SLMAP: variants seen among roughly 807,000 people sequenced by gnomAD.
SLMAP encodes the protein sarcolemmal membrane-associated protein.
In SLMAP, 44 loss-of-function variants were observed where a neutral mutation model predicts 128.8. The ratio of observed to expected loss-of-function variants is 0.34; its 90% CI spans 0.27 to 0.44. SLMAP has a LOEUF of 0.44. SLMAP is among the 20% of genes least tolerant of loss of function. The pLI, the probability that SLMAP is intolerant of heterozygous loss-of-function variation, is 1.00. For synonymous variants in SLMAP, 327 were observed against 348.8 expected, an observed-to-expected ratio of 0.94 and a Z score of 0.70; for missense variants, 787 against 985.3, an observed-to-expected ratio of 0.80 and a Z score of 2.69.
At chr3:57,863,962 G>A (rs899624483) in intron 10 of SLMAP, among the ~76,000 whole-genome samples, 1 of 152,028 alleles carries the variant, frequency 6.6e-6, no homozygotes, top group Non-Finnish European at 1.5e-5. Context: ...TTAAAAATAC[G>A]ATTTTTTTTT....
At chr3:57,890,826 A>G (rs186454431) in intron 15 of SLMAP, 2 of 152,362 alleles carry the variant, frequency 1.3e-5, no homozygotes, top group East Asian at 3.9e-4. Context: ...CTTTTGGCCA[A>G]TTAAAACATT....
intron 3 of SLMAP, among the ~76,000 whole-genome samples, chr3:57,838,886 G>A (rs974406590): frequency 6.6e-6 from 1 of 152,184 alleles, no homozygotes; most frequent in Non-Finnish European, 1.5e-5. Flanking sequence ...AAGGAGCCCA[G>A]TGGTTCATGG....
intron 2 of SLMAP, among the ~76,000 whole-genome samples, chr3:57,818,889 T>G (rs1309022501): frequency 1.3e-5 from 2 of 152,228 alleles, no homozygotes; most frequent in South Asian, 4.1e-4. Flanking sequence ...CAGTTCAAAA[T>G]TTTAAAAGAA....
At chr3:57,869,205 C>G (rs2095408237) in intron 13 of SLMAP, among the ~76,000 whole-genome samples, 1 of 150,670 alleles carries the variant, frequency 6.6e-6, no homozygotes, top group Non-Finnish European at 1.5e-5. Context: ...AAGCATCCAG[C>G]ACAGGAGAAA....
chr3:57,858,419 C>T (rs889312351), intron 8 of SLMAP, among the ~76,000 whole-genome samples: 2 of 152,202 alleles, frequency 1.3e-5, no homozygotes, highest in South Asian at 2.1e-4. Flanking sequence ...GAATTTCCCT[C>T]AGTCTGCATT....
intron 2 of SLMAP, among the ~76,000 whole-genome samples, chr3:57,828,215 TC>T (rs1198618892): frequency 6.6e-6 from 1 of 152,186 alleles, no homozygotes; most frequent in Non-Finnish European, 1.5e-5. Context: ...CGCTTTGGCC[TC>T]CCAGAGTGCT....
intron 2 of SLMAP, among the ~76,000 whole-genome samples, chr3:57,779,510 A>G (rs2082579610): frequency 9.6e-6 from 1 of 104,608 alleles, no homozygotes; most frequent in South Asian, 2.7e-4. Context: ...CCCTGTTTCA[A>G]AAAAAAAAAA....
rs752720798 is a variant in SLMAP at position 57,865,256 on chromosome 3, G to A, written c.1201G>A (p.Asp401Asn). ...CTTAATCCTAGGGATACAAGTTGAT[G>A]ACTTCTTACCTAAAATAAATGGGAG... is the stretch of plus-strand genomic sequence containing the variant. ...ECSSLGIQVDDFLPKINGSTE... is the reference protein window; with the variant it reads ...ECSSLGIQVDNFLPKINGSTE... Residue 401 changes from aspartate (D) to asparagine (N), a missense_variant, in exon 13 of 25, where the codon GAC (aspartate) becomes AAC (asparagine). Around this residue, in one of 2 missense-constraint regions of SLMAP, gnomAD observed 715 missense variants for 843.6 expected, o/e 0.85. Coordinates refer to ENST00000671191, the MANE Select transcript of SLMAP (RefSeq NM_001377540.1). 4.2e-5 allele frequency: 62 copies of A among 1,490,610 alleles called. No homozygotes were observed. Among genetic ancestry groups the A allele is most frequent in the Non-Finnish European group, 1.8e-6 (2 of 1,098,976 alleles). 92.3% of individuals were successfully genotyped at this position (1,490,610 alleles called of 1,614,324 possible).
Position 57,887,204 on chromosome 3 carries a change from A to G in SLMAP, c.1301-2837A>G, listed in dbSNP as rs2095913820. Among the ~76,000 whole-genome samples, 3 of 152,130 alleles carry G rather than the reference A, an allele frequency of 2.0e-5. No individual in the cohort carries two copies. The South Asian group carries it at 6.2e-4, about 32-fold the overall frequency. ...ATATCATATAGTCATAATAAGCTAAATTTATAATATAGTAATAAATAAGCC... is the reference window on the plus strand; with the variant it reads ...ATATCATATAGTCATAATAAGCTAAGTTTATAATATAGTAATAAATAAGCC... On this transcript the variant is annotated intron_variant, in intron 14 of 24. Coordinates refer to ENST00000671191, the MANE Select transcript of SLMAP (RefSeq NM_001377540.1).
chr3:57,757,636 C>A lies in SLMAP; in HGVS notation c.-16C>A, dbSNP rs777202460. The A allele has an allele frequency of 4.3e-6, 7 of 1,612,470 alleles. No homozygotes were observed. In the East Asian group the frequency reaches 1.6e-4, roughly 36 times the overall value. Reference sequence around the variant, plus strand: ...TCTTTGTCCCTGGTAGGAGAGACACCCCCAGTCTATCCTCGATGCCGTCAG... The same window carrying A: ...TCTTTGTCCCTGGTAGGAGAGACACACCCAGTCTATCCTCGATGCCGTCAG... On this transcript the variant is annotated 5_prime_UTR_variant, in exon 2 of 25. Transcript: ENST00000671191.
chr3:57,835,832 G>A (rs895279151), intron 3 of SLMAP, among the ~76,000 whole-genome samples: 2 of 152,130 alleles, frequency 1.3e-5, no homozygotes, highest in African/African-American at 2.4e-5. Flanking sequence ...AACTGTCGAA[G>A]GATTTGTATA....
chr3:57,822,627 G>A (rs2092614280), intron 2 of SLMAP, among the ~76,000 whole-genome samples: 1 of 152,210 alleles, frequency 6.6e-6, no homozygotes, highest in Non-Finnish European at 1.5e-5. Flanking sequence ...TCCTGTAGCA[G>A]CCAGGTGATG....
chr3:57,888,613 CAAA>C (rs1276074633), intron 14 of SLMAP, among the ~76,000 whole-genome samples: 1 of 119,558 alleles, frequency 8.4e-6, no homozygotes, highest in Non-Finnish European at 1.8e-5. Context: ...GAGACTGTCT[CAAA>C]AAAAAAAAAA....
In SLMAP at chr3:57,865,294, T is replaced by C; in HGVS notation, c.1237+2T>C. 3 of 1,427,780 alleles carry C rather than the reference T, an allele frequency of 2.1e-6. No individual in the cohort carries two copies. The highest frequency in any genetic ancestry group is 2.0e-4 in the Middle Eastern group (1 of 5,102). The allele number at this position is 1,427,780 out of a possible 1,614,324, so 88.4% of individuals were successfully genotyped here. On this transcript the variant is annotated splice_donor_variant, in intron 13 of 24. Coordinates refer to ENST00000671191, the MANE Select transcript of SLMAP (RefSeq NM_001377540.1). LOFTEE classifies it high-confidence loss of function. The stretch of plus-strand genomic sequence containing the variant: ...AAATAAATGGGAGCACAGAAAAAGG[T>C]AGTGTAAAAAACTTAAATATATATA...
chr3:57,836,859 CT>C (rs1348264888), intron 3 of SLMAP, among the ~76,000 whole-genome samples: 1 of 152,240 alleles, frequency 6.6e-6, no homozygotes, highest in African/African-American at 2.4e-5. Context: ...CCACAAACTG[CT>C]TAAAGAGTGA....
chr3:57,763,955 G>C (rs1314527338), intron 2 of SLMAP, among the ~76,000 whole-genome samples: 1 of 152,158 alleles, frequency 6.6e-6, no homozygotes, highest in Non-Finnish European at 1.5e-5. Context: ...TTGAAGAGTA[G>C]CCAAGGGTGC....
chr3:57,867,592 T>A (rs1023036821), intron 13 of SLMAP, among the ~76,000 whole-genome samples: 5 of 152,176 alleles, frequency 3.3e-5, no homozygotes, highest in African/African-American at 1.2e-4. Context: ...GCAATAAATT[T>A]CTAGATGTAC....
rs151036832 is a variant in SLMAP at position 57,762,218 on chromosome 3, A to G, written c.198+4369A>G. On this transcript the variant is annotated intron_variant, in intron 2 of 24. Coordinates refer to ENST00000671191, the MANE Select transcript of SLMAP (RefSeq NM_001377540.1). ...CCTGTCTCTACGAAAAATACAAAAA[A>G]TTAGCTGGGCATGGTGGCATGTGCC... Among the ~76,000 whole-genome samples the G allele has an allele frequency of 6.6e-3, 1,001 of 151,644 alleles. 7 individuals are homozygous for G. Among genetic ancestry groups the G allele is most frequent in the Non-Finnish European group, 0.011 (718 of 67,896 alleles).
rs374328226 is a variant in SLMAP, at chr3:57,787,866, A to T, written c.198+30017A>T. 2.0e-3 allele frequency among the ~76,000 whole-genome samples: 304 copies of T among 152,330 alleles called. 2 individuals are homozygous for T. The highest frequency in any genetic ancestry group is 6.9e-3 in the African/African-American group (286 of 41,574). ...AAAGATATGATCCTTGCTTTTAGGGATTCTACATAAGTGGACATGTCTCTG... is the reference window on the plus strand; with the variant it reads ...AAAGATATGATCCTTGCTTTTAGGGTTTCTACATAAGTGGACATGTCTCTG... On this transcript the variant is annotated intron_variant, in intron 2 of 24. Coordinates refer to ENST00000671191, the MANE Select transcript of SLMAP (RefSeq NM_001377540.1).
Sources: allele counts gnomAD v4.1 joint callset (sites outside exome capture counted in the v4.1 genomes callset), GRCh38; gene constraint gnomAD v4.1.1; regional missense constraint gnomAD v4.1.1; transcripts MANE v1.5; gene names NCBI Gene and HGNC (gene_info 2026-07-23, HGNC 2026-07-21).